DDX31: variants seen among roughly 807,000 people sequenced by gnomAD.
DDX31 encodes DEAD-box helicase 31, also known as ATP-dependent DNA helicase DDX31.
A neutral mutation model predicts 91.3 loss-of-function variants in DDX31; 70 were observed. The ratio of observed to expected loss-of-function variants is 0.77; its 90% CI spans 0.63 to 0.94. DDX31 has a LOEUF of 0.94. Among genes scored for constraint, DDX31 ranks in the 40% least tolerant of loss-of-function variants. DDX31 has a pLI of 0.00. For missense variants in DDX31, 902 were observed against 925.0 expected (o/e 0.98, Z 0.32); for synonymous variants, 362 against 350.6 (o/e 1.03, Z -0.36).
intron 16 of DDX31, among the ~76,000 whole-genome samples, chr9:132,628,724 CAG>C (rs1237675617): frequency 6.6e-6 from 1 of 152,140 alleles, no homozygotes; most frequent in African/African-American, 2.4e-5. Flanking sequence ...GGGGAACATC[CAG>C]AGAGCTGCGG....
At chr9:132,617,678 G>A (rs1322387415) in intron 18 of DDX31, among the ~76,000 whole-genome samples, 2 of 152,138 alleles carry the variant, frequency 1.3e-5, no homozygotes, top group African/African-American at 4.8e-5. Context: ...CTCTGGCCAA[G>A]ACATCCCATG....
chr9:132,637,114 C>T (rs1053310818), intron 14 of DDX31, among the ~76,000 whole-genome samples: 8 of 152,216 alleles, frequency 5.3e-5, no homozygotes, highest in African/African-American at 1.9e-4. Context: ...TGTCTCTGTA[C>T]TCTCCTCTTC....
At position 132,646,028 on chromosome 9, in the gene DDX31, T is replaced by A. The variant is rs752060159; in HGVS notation, c.1247A>T (p.Glu416Val). The change falls in exon 13 of 20, where the codon GAG becomes GTG. Residue 416 changes from glutamate (E) to valine (V), a missense_variant. Glu to Val is a moderately radical substitution (Grantham distance 121). Coordinates refer to ENST00000372159, the MANE Select transcript of DDX31 (RefSeq NM_022779.9). ...GAGGCTGTAGTGGAACTCCACCAGC[T>A]CGCAACTTGAGAAAAAGACAACCAT... ...QKMVVFFSSC[E>V]LVEFHYSLFL... The A allele has an allele frequency of 1.2e-5, 20 of 1,614,096 alleles. No individual in the cohort carries two copies. In the South Asian group the frequency reaches 2.1e-4, roughly 17 times the overall value.
chr9:132,620,608 C>T (rs1831967353), intron 17 of DDX31, among the ~76,000 whole-genome samples: 1 of 152,084 alleles, frequency 6.6e-6, no homozygotes, highest in East Asian at 1.9e-4. Context: ...AATCTTACTC[C>T]TCCCTAACCC....
At chr9:132,644,583 G>C (rs1265473827) in intron 13 of DDX31, among the ~76,000 whole-genome samples, 4 of 152,190 alleles carry the variant, frequency 2.6e-5, no homozygotes, top group Non-Finnish European at 4.4e-5. Flanking sequence ...GAGATGAACA[G>C]CCTCTGTATA....
intron 14 of DDX31, among the ~76,000 whole-genome samples, chr9:132,636,117 A>G (rs1833098881): frequency 6.6e-6 from 1 of 152,146 alleles, no homozygotes. Flanking sequence ...TTTCCTTTGA[A>G]TGCTGGCTAG....
intron 13 of DDX31, among the ~76,000 whole-genome samples, chr9:132,643,853 A>G (rs1833652917): frequency 6.6e-6 from 1 of 152,192 alleles, no homozygotes; most frequent in Non-Finnish European, 1.5e-5. Context: ...TCAGAAAAAA[A>G]TCAGAAAGTT....
At chr9:132,660,629 CT>C (rs2130838727) in intron 4 of DDX31, among the ~76,000 whole-genome samples, 1 of 152,246 alleles carries the variant, frequency 6.6e-6, no homozygotes, top group East Asian at 1.9e-4. Context: ...TGATAAAAAA[CT>C]TGTGGGGAGG....
intron 12 of DDX31, among the ~76,000 whole-genome samples, chr9:132,646,278 T>G (rs1833835819): frequency 1.3e-5 from 2 of 152,186 alleles, no homozygotes; most frequent in South Asian, 4.1e-4. Context: ...AGCTATCATT[T>G]CAAACAGGTT....
chr9:132,659,599 C>T (rs376208342), intron 5 of DDX31, 111 bp downstream of exon 5: 11 of 1,040,586 alleles, frequency 1.1e-5, no homozygotes, highest in Non-Finnish European at 1.3e-5. Context: ...CTCCCTCCCC[C>T]AAACGAAACA....
chr9:132,648,214 G>C lies in DDX31; in HGVS notation c.942C>G (p.Val314=). ...CTTCTGTGAGTGTCGCTGATAGCAA[G>C]ACATTCTGTCGTTTTTGGCATTCAG... ...VNAECQKRQN[V]LLSATLTEGV... is the part of the protein sequence containing the mutation. The change falls in exon 11 of 20, where the codon GTC becomes GTG. Residue 314 remains valine (V), a synonymous_variant. Coordinates refer to ENST00000372159, the MANE Select transcript of DDX31 (RefSeq NM_022779.9). The C allele has an allele frequency of 6.2e-7, 1 of 1,613,864 alleles. No homozygotes were observed. The highest frequency in any genetic ancestry group is 2.2e-5 in the East Asian group (1 of 44,886).
chr9:132,642,019 G>A lies in DDX31; in HGVS notation c.1425C>T (p.Gly475=), dbSNP rs745460715. Residue 475 remains glycine (G), a synonymous_variant, in exon 14 of 20, where the codon GGC becomes GGT. Transcript: ENST00000372159. ...VFQEFSHSRR[G]VLLCTDVAAR... is the part of the protein sequence containing the mutation. ...GGATACGTACCGTGCAAAGAAGGAC[G>A]CCTCTTCTGGAATGTGAAAATTCCT... 66 of 1,614,056 alleles carry A rather than the reference G, an allele frequency of 4.1e-5. 3 individuals are homozygous for A. In the South Asian group the frequency reaches 5.4e-4, roughly 13 times the overall value.
intron 5 of DDX31, 65 bp downstream of exon 5, chr9:132,659,645 C>G: frequency 6.6e-7 from 1 of 1,523,662 alleles, no homozygotes; most frequent in Non-Finnish European, 8.9e-7. Context: ...CACCGCATGG[C>G]AAAACCTAGT....
At chr9:132,629,156 A>G (rs538389620) in intron 16 of DDX31, among the ~76,000 whole-genome samples, 1 of 152,384 alleles carries the variant, frequency 6.6e-6, no homozygotes, top group South Asian at 2.1e-4. Flanking sequence ...TGACTGATCT[A>G]TATGAGACTT....
rs1429144509 is a variant in DDX31, at chr9:132,599,863, A to G, written c.1995-4751T>C. Among the ~76,000 whole-genome samples, 9 of 152,370 alleles carry G rather than the reference A, an allele frequency of 5.9e-5. No homozygotes were observed. The East Asian group carries it at 9.6e-4, about 16-fold the overall frequency. ...TCTGCTGACGACGCAAGTCCCCCAC[A>G]TGGGAAGAAAAGCCTGGGCTCTCAG... On this transcript the variant is annotated intron_variant, in intron 19 of 19. Transcript: ENST00000372159.
chr9:132,644,751 A>C (rs1445821099), intron 13 of DDX31, among the ~76,000 whole-genome samples: 1 of 152,232 alleles, frequency 6.6e-6, no homozygotes, highest in East Asian at 1.9e-4. Context: ...TGAAACAAAA[A>C]CAAAACCCCA....
At chr9:132,642,449 C>A (rs762150172) in intron 13 of DDX31, among the ~76,000 whole-genome samples, 5 of 152,152 alleles carry the variant, frequency 3.3e-5, no homozygotes, top group Non-Finnish European at 7.4e-5. Context: ...GAATAACCAA[C>A]CTTCTCTACA....
At chr9:132,597,877 A>G (rs754190686) in intron 19 of DDX31, among the ~76,000 whole-genome samples, 13 of 152,226 alleles carry the variant, frequency 8.5e-5, no homozygotes, top group Non-Finnish European at 8.8e-5. Context: ...GCCACTGAAT[A>G]GGAACAGGAG....
At chr9:132,667,047 C>T (rs1378049045) in intron 1 of DDX31, among the ~76,000 whole-genome samples, 2 of 151,366 alleles carry the variant, frequency 1.3e-5, no homozygotes, top group African/African-American at 4.9e-5. Flanking sequence ...TGGGGTTTCA[C>T]CGTGTTGGCC....
Sources: gnomAD v4.1 joint callset for allele counts (sites outside exome capture counted in the v4.1 genomes callset) on GRCh38, gnomAD v4.1.1 for gene constraint, MANE v1.5 for transcripts, NCBI Gene and HGNC (gene_info 2026-07-23, HGNC 2026-07-21) for gene names.